Variants in EYA2 observed in about 807,000 individuals in gnomAD.
EYA2 encodes the protein EYA transcriptional coactivator and phosphatase 2.
In EYA2, 31 loss-of-function variants were observed where a neutral mutation model predicts 69.2. The ratio of observed to expected loss-of-function variants is 0.45; its 90% confidence interval spans 0.34 to 0.60. The LOEUF (loss-of-function observed/expected upper bound fraction) is 0.60. Ranked by LOEUF, EYA2 falls within the 20% of genes least tolerant of loss-of-function variation. The probability of loss-of-function intolerance (pLI) is 0.02; values close to 1 mark genes in which losing one functional copy is unlikely to be tolerated. For synonymous variants in EYA2, 257 were observed against 279.4 expected, an observed-to-expected ratio of 0.92 and a Z score of 0.80; for missense variants, 622 against 701.2, an observed-to-expected ratio of 0.89 and a Z score of 1.28.
At chr20:47,154,515 G>A (rs1477030868) in intron 10 of EYA2, among the ~76,000 whole-genome samples, 1 of 152,014 alleles carries the variant, frequency 6.6e-6, no homozygotes, top group Non-Finnish European at 1.5e-5. Context: ...TCAGACCCAG[G>A]TGGCCTGGCT....
chr20:47,082,120 G>A (rs896207555), intron 7 of EYA2, among the ~76,000 whole-genome samples: 2 of 152,146 alleles, frequency 1.3e-5, no homozygotes, highest in East Asian at 3.9e-4. Context: ...GATTACAAGC[G>A]TGAGCCACTG....
intron 1 of EYA2, among the ~76,000 whole-genome samples, chr20:46,902,138 G>T (rs983888627): frequency 6.6e-6 from 1 of 152,142 alleles, no homozygotes; most frequent in Non-Finnish European, 1.5e-5. Context: ...GAGGTTGGGG[G>T]TTTGCTAGAG....
At chr20:47,129,140 A>G (rs2033272072) in intron 9 of EYA2, among the ~76,000 whole-genome samples, 1 of 152,170 alleles carries the variant, frequency 6.6e-6, no homozygotes, top group South Asian at 2.1e-4. Flanking sequence ...AAGAAAATAA[A>G]TTAACCAAGC....
intron 11 of EYA2, among the ~76,000 whole-genome samples, chr20:47,169,441 T>C (rs919119275): frequency 2.0e-5 from 3 of 151,432 alleles, no homozygotes; most frequent in Non-Finnish European, 4.4e-5. Flanking sequence ...AGCTCAGGAG[T>C]TCAAAACCAG....
intron 7 of EYA2, among the ~76,000 whole-genome samples, chr20:47,077,157 G>A (rs952677096): frequency 2.6e-5 from 4 of 152,194 alleles, no homozygotes; most frequent in African/African-American, 9.6e-5. Flanking sequence ...GAGACAATGG[G>A]TGAGCAAAAA....
rs1263251832 is a variant in EYA2 at position 47,188,240 on chromosome 20, G to A, written c.*107G>A. On this transcript the variant is annotated 3_prime_UTR_variant, in exon 16 of 16. Coordinates refer to ENST00000327619, the MANE Select transcript of EYA2 (RefSeq NM_005244.5). ...CCCAGATGTTGGACACCAGGAAGGG[G>A]CCCCACAGCCGAGACGACGTGTCCA... is the stretch of plus-strand genomic sequence containing the variant. 2.8e-6 allele frequency: 3 copies of A among 1,071,342 alleles called. No homozygotes were observed. The highest frequency in any genetic ancestry group is 4.1e-6 in the Non-Finnish European group (3 of 728,042). 66.4% of individuals were successfully genotyped at this position (1,071,342 alleles called of 1,614,324 possible).
At chr20:47,119,084 T>C (rs8124525) in intron 9 of EYA2, among the ~76,000 whole-genome samples, 4,953 of 152,220 alleles carry the variant, frequency 0.033, 265 homozygotes, top group African/African-American at 0.11. Context: ...ATGGGAACAA[T>C]TTTCCTTTAC....
intron 4 of EYA2, among the ~76,000 whole-genome samples, chr20:47,014,229 C>A (rs148672592): frequency 6.6e-6 from 1 of 152,252 alleles, no homozygotes; most frequent in Non-Finnish European, 1.5e-5. Flanking sequence ...TGAAGCAAAC[C>A]ATCTAGGACT....
chr20:46,958,003 G>A (rs1017364761), intron 1 of EYA2, among the ~76,000 whole-genome samples: 1 of 152,170 alleles, frequency 6.6e-6, no homozygotes, highest in African/African-American at 2.4e-5. Flanking sequence ...CTGAAAGCCT[G>A]GAAGACTTGC....
At chr20:47,037,260 T>C (rs1235054548) in intron 5 of EYA2, among the ~76,000 whole-genome samples, 1 of 152,172 alleles carries the variant, frequency 6.6e-6, no homozygotes, top group Non-Finnish European at 1.5e-5. Flanking sequence ...GATTGAGGAT[T>C]ATAATTCAAG....
At chr20:47,062,160 C>T (rs769074280) in intron 5 of EYA2, among the ~76,000 whole-genome samples, 1 of 152,202 alleles carries the variant, frequency 6.6e-6, no homozygotes, top group Non-Finnish European at 1.5e-5. Context: ...CCTGGTGCAT[C>T]CTGGACGTCC....
At chr20:46,981,712 A>G (rs1980844372) in intron 1 of EYA2, among the ~76,000 whole-genome samples, 1 of 152,158 alleles carries the variant, frequency 6.6e-6, no homozygotes, top group Non-Finnish European at 1.5e-5. Context: ...TAAATCTCTA[A>G]TAATGGTTTT....
At chr20:46,965,458 C>T (rs914460479) in intron 1 of EYA2, among the ~76,000 whole-genome samples, 6 of 152,260 alleles carry the variant, frequency 3.9e-5, no homozygotes, top group African/African-American at 1.4e-4. Flanking sequence ...GAGACCCATC[C>T]ACAGCCTTGG....
intron 7 of EYA2, among the ~76,000 whole-genome samples, 192 bp from the exon 8 acceptor site, chr20:47,089,047 G>A (rs1001945537): frequency 1.3e-5 from 2 of 152,218 alleles, no homozygotes; most frequent in African/African-American, 2.4e-5. Context: ...CTGGATGGAT[G>A]AAAGATAATG....
At chr20:47,183,878 G>T (rs770074356) in intron 15 of EYA2, among the ~76,000 whole-genome samples, 7 of 152,126 alleles carry the variant, frequency 4.6e-5, no homozygotes, top group Admixed American at 6.5e-5. Context: ...CAAAGTCCTG[G>T]GTCTGGATCT....
chr20:47,021,139 C>A (rs112850627), intron 5 of EYA2, among the ~76,000 whole-genome samples: 4 of 152,164 alleles, frequency 2.6e-5, no homozygotes, highest in Non-Finnish European at 4.4e-5. Flanking sequence ...CGTTAATTAT[C>A]GTTATTATGA....
intron 1 of EYA2, among the ~76,000 whole-genome samples, chr20:46,911,231 T>TTGTGTGTGTGTG (rs140564632): frequency 8.9e-4 from 132 of 148,328 alleles, no homozygotes; most frequent in East Asian, 4.2e-3. Context: ...GCTGGATAAT[T>TTGTGTGTGTGTG]TGTGTGTGTG....
At chr20:46,961,546 T>C (rs547425073) in intron 1 of EYA2, among the ~76,000 whole-genome samples, 4 of 152,192 alleles carry the variant, frequency 2.6e-5, no homozygotes, top group Non-Finnish European at 5.9e-5. Context: ...AGGAAATCAA[T>C]GTTGAGGACA....
intron 10 of EYA2, among the ~76,000 whole-genome samples, chr20:47,143,536 C>T (rs551662890): frequency 1.3e-5 from 2 of 152,212 alleles, no homozygotes; most frequent in African/African-American, 4.8e-5. Flanking sequence ...TTAGCAGTGG[C>T]CCAGGGTGGA....
Sources: allele counts gnomAD v4.1 joint callset (sites outside exome capture counted in the v4.1 genomes callset), GRCh38; gene constraint gnomAD v4.1.1; transcripts MANE v1.5; gene names NCBI Gene and HGNC (gene_info 2026-07-23, HGNC 2026-07-21).